The following GCFC2 variants were observed in gnomAD, a reference collection of about 807,000 sequenced individuals.
The protein encoded by GCFC2 is GC-rich sequence DNA-binding factor 2.
A neutral mutation model predicts 99.4 loss-of-function variants in GCFC2; 102 were observed. That is an observed-to-expected ratio of 1.03 (90% CI 0.87 to 1.21). GCFC2 has a LOEUF of 1.21. Ranked by LOEUF, GCFC2 falls within the 50% of genes most tolerant of loss-of-function variation. GCFC2 has a pLI of 0.00. For synonymous variants in GCFC2, 338 were observed against 316.8 expected (o/e 1.07, Z -0.71); for missense variants, 973 against 920.9 (o/e 1.06, Z -0.73).
chr2:75,711,986 C>T (rs796641714), upstream of GCFC2, among the ~76,000 whole-genome samples: 9 of 152,378 alleles, frequency 5.9e-5, no homozygotes, highest in African/African-American at 2.2e-4. Context: ...TGGCAGGCAG[C>T]TCCACCTGCA....
chr2:75,706,779 CAT>C (rs1305538006), intron 1 of GCFC2, 128 bp from the exon 2 acceptor site: 1 of 508,712 alleles, frequency 2.0e-6, no homozygotes, highest in East Asian at 3.1e-5. Context: ...TTAAAGTAGA[CAT>C]ATTGATCTTC....
At chr2:75,682,280 C>T (rs1679615926) in intron 11 of GCFC2, among the ~76,000 whole-genome samples, 1 of 151,878 alleles carries the variant, frequency 6.6e-6, no homozygotes, top group African/African-American at 2.4e-5. Flanking sequence ...TCTGCAGCCT[C>T]CGCTGGTGAT....
At chr2:75,682,199 GC>G (rs562851118) in intron 11 of GCFC2, among the ~76,000 whole-genome samples, 12 of 151,922 alleles carry the variant, frequency 7.9e-5, no homozygotes, top group African/African-American at 2.9e-4. Flanking sequence ...GGAGAGCTCT[GC>G]CTGGCATCTG....
intron 11 of GCFC2, among the ~76,000 whole-genome samples, chr2:75,687,022 C>G (rs1158404001): frequency 1.3e-5 from 2 of 151,986 alleles, no homozygotes. Flanking sequence ...GCAACCTTCG[C>G]CTCCCAGGTT....
At position 75,664,532 on chromosome 2, in the gene GCFC2, G is replaced by A. The variant is rs1678740765; in HGVS notation, c.*134C>T. Reference sequence around the variant, plus strand: ...AAGGTAAAGCACGGGGGAATACAGAGGTGGAGTCCTGCTTTTTTTCAAATC... The same window carrying A: ...AAGGTAAAGCACGGGGGAATACAGAAGTGGAGTCCTGCTTTTTTTCAAATC... On this transcript the variant is annotated 3_prime_UTR_variant, in exon 17 of 17. Coordinates refer to ENST00000321027, the MANE Select transcript of GCFC2 (RefSeq NM_003203.5). The A allele has an allele frequency of 3.7e-6, 2 of 541,022 alleles. No homozygotes were observed. The highest frequency in any genetic ancestry group is 6.5e-6 in the Non-Finnish European group (2 of 305,968). 33.5% of individuals were successfully genotyped at this position (541,022 alleles called of 1,614,324 possible).
At chr2:75,706,686 G>A (rs1429608993) in intron 1 of GCFC2, 35 bp from the exon 2 acceptor site, 1 of 1,447,454 alleles carries the variant, frequency 6.9e-7, no homozygotes, top group South Asian at 1.2e-5. Flanking sequence ...ACAAAAAAGA[G>A]TCAAAATAAT....
intron 2 of GCFC2, among the ~76,000 whole-genome samples, chr2:75,704,109 G>A (rs1445766228): frequency 1.3e-5 from 2 of 152,062 alleles, no homozygotes; most frequent in Non-Finnish European, 2.9e-5. Flanking sequence ...GCAGATGCTG[G>A]GCAGACATAG....
Position 75,702,326 on chromosome 2 carries a change from G to A in GCFC2, c.492C>T (p.Thr164=). The A allele has an allele frequency of 6.2e-7, 1 of 1,612,900 alleles. No homozygotes were observed. Among genetic ancestry groups the A allele is most frequent in the East Asian group, 2.2e-5 (1 of 44,862 alleles). ...DDYISLDVQH[T]SSISGMKRES... The stretch of plus-strand genomic sequence containing the variant: ...CTCTCTTCATACCAGAGATGGAGGA[G>A]GTATGTTGTACATCCAAAGAAATAT... Residue 164 remains threonine (T), a synonymous_variant, in exon 3 of 17, where the codon ACC becomes ACT. Coordinates refer to ENST00000321027, the MANE Select transcript of GCFC2 (RefSeq NM_003203.5).
At chr2:75,670,473 C>A in intron 14 of GCFC2, 189 bp from the exon 15 acceptor site, 1 of 451,318 alleles carries the variant, frequency 2.2e-6, no homozygotes. Flanking sequence ...ATTTGCTCAT[C>A]TTATTTTCAT....
Position 75,706,584 on chromosome 2 carries a change from A to G in GCFC2, c.333T>C (p.Asp111=). ...DKIHHSSESK[D]DQGLSSDSSS... ...AACTGTCAGAAGACAAACCCTGATC[A>G]TCCTTACTTTCTGAGGAGTGATGTA... The change falls in exon 2 of 17, where the codon GAT becomes GAC. Residue 111 remains aspartate, a synonymous_variant. Coordinates refer to ENST00000321027, the MANE Select transcript of GCFC2 (RefSeq NM_003203.5). 6.2e-7 allele frequency: 1 copy of G among 1,600,168 alleles called. No homozygotes were observed. The highest frequency in any genetic ancestry group is 8.6e-7 in the Non-Finnish European group (1 of 1,167,456).
chr2:75,707,906 C>G (rs186254009), intron 1 of GCFC2, among the ~76,000 whole-genome samples: 9 of 152,258 alleles, frequency 5.9e-5, no homozygotes, highest in Non-Finnish European at 1.3e-4. Context: ...AGTTGCTCTT[C>G]ATGAACTAAT....
chr2:75,675,914 T>A (rs1679316692), intron 12 of GCFC2, among the ~76,000 whole-genome samples: 1 of 152,152 alleles, frequency 6.6e-6, no homozygotes, highest in African/African-American at 2.4e-5. Flanking sequence ...CAGACTCACA[T>A]ACAACCCTTT....
intron 12 of GCFC2, among the ~76,000 whole-genome samples, chr2:75,676,433 G>A (rs1482562154): frequency 6.6e-6 from 1 of 150,666 alleles, no homozygotes; most frequent in Non-Finnish European, 1.5e-5. Flanking sequence ...ACTTCCACAT[G>A]ACAATTTTCT....
chr2:75,681,836 G>A (rs370155794), intron 11 of GCFC2, among the ~76,000 whole-genome samples: 8 of 151,856 alleles, frequency 5.3e-5, no homozygotes, highest in South Asian at 2.1e-4. Flanking sequence ...CGGGAAGTTC[G>A]ACCTGGGCAG....
chr2:75,690,715 T>G lies in GCFC2; in HGVS notation c.1149A>C (p.Lys383Asn), dbSNP rs979899238. Residue 383 changes from lysine (K) to asparagine (N), a missense_variant, in exon 8 of 17, where the codon AAA (lysine) becomes AAC (asparagine). Coordinates refer to ENST00000321027, the MANE Select transcript of GCFC2 (RefSeq NM_003203.5). The stretch of plus-strand genomic sequence containing the variant: ...AGTTTCCACTTGTGGATGTCTCATC[T>G]TTGCCTGTTAATAAATAAAATTGAC... ...ESTYLQQLSR[K>N]DETSTSGNFS... The G allele has an allele frequency of 6.7e-7, 1 of 1,500,670 alleles. No homozygotes were observed. Among genetic ancestry groups the G allele is most frequent in the Non-Finnish European group, 9.2e-7 (1 of 1,089,924 alleles). 93.0% of individuals were successfully genotyped at this position (1,500,670 alleles called of 1,614,324 possible). A position where few individuals can be genotyped will look rare whatever the true frequency, so the allele number is the denominator to read the frequency against.
At chr2:75,712,052 A>T (rs1573107093), upstream of GCFC2, among the ~76,000 whole-genome samples, 1 of 152,236 alleles carries the variant, frequency 6.6e-6, no homozygotes, top group South Asian at 2.1e-4. Context: ...TCTGGTGGGG[A>T]CATAGAGAGT....
chr2:75,673,048 C>T (rs907895775), intron 13 of GCFC2, among the ~76,000 whole-genome samples: 39 of 152,222 alleles, frequency 2.6e-4, no homozygotes, highest in Admixed American at 9.2e-4. Flanking sequence ...CGGTGGCTCA[C>T]GCCTGTAATC....
At chr2:75,707,872 T>C (rs917060264) in intron 1 of GCFC2, among the ~76,000 whole-genome samples, 4 of 152,208 alleles carry the variant, frequency 2.6e-5, no homozygotes, top group African/African-American at 9.7e-5. Context: ...TATTTTTCCT[T>C]ACCTCACATG....
chr2:75,709,073 T>A (rs936800694), intron 1 of GCFC2, among the ~76,000 whole-genome samples: 2 of 152,230 alleles, frequency 1.3e-5, no homozygotes, highest in African/African-American at 4.8e-5. Flanking sequence ...ATGCTACTCT[T>A]CCTTTTTTGG....
Sources: allele counts gnomAD v4.1 joint callset (sites outside exome capture counted in the v4.1 genomes callset), GRCh38; gene constraint gnomAD v4.1.1; transcripts MANE v1.5; gene names NCBI Gene and HGNC (gene_info 2026-07-23, HGNC 2026-07-21).